Variants in CPNE9 observed in about 807,000 individuals in gnomAD.
CPNE9 encodes copine family member 9, also known as copine-9.
In CPNE9, 59 loss-of-function variants were observed where a neutral mutation model predicts 83.0. That is an observed-to-expected ratio of 0.71 (90% CI 0.58 to 0.88). CPNE9 has a LOEUF of 0.88. Ranked by LOEUF, CPNE9 falls within the 40% of genes least tolerant of loss-of-function variation. The probability of loss-of-function intolerance (pLI) is 0.00; values close to 1 mark genes in which losing one functional copy is unlikely to be tolerated. For missense variants in CPNE9, 619 were observed against 720.8 expected (o/e 0.86, Z 1.62); for synonymous variants, 256 against 273.4 (o/e 0.94, Z 0.63).
intron 19 of CPNE9, 30 bp from the exon 20 acceptor site, chr3:9,727,083 A>T: frequency 3.1e-6 from 5 of 1,613,186 alleles, no homozygotes; most frequent in Non-Finnish European, 4.2e-6. Context: ...TGGAGAGGCC[A>T]ATCAGCTGAG....
Position 9,704,972 on chromosome 3 carries a change from A to T in CPNE9, c.238A>T (p.Lys80Ter), listed in dbSNP as rs2076546434. The change falls in exon 4 of 21, where the codon AAG becomes TAG. Residue 80 changes from lysine (K) to a stop codon, truncating the protein, a stop_gained. Transcript: ENST00000383832. LOFTEE classifies it high-confidence loss of function. This position sits in a 1 kb window ranked among gnomAD's most constrained non-coding sequence, Gnocchi z 7.1. Reference sequence around the variant, plus strand: ...CGTCCTCGACTATTTCTTTGAGGAAAAGCAAAATCTGCGCTTCGATGTGTG... The same window carrying T: ...CGTCCTCGACTATTTCTTTGAGGAATAGCAAAATCTGCGCTTCGATGTGTG... ...KFVLDYFFEE[K>*]QNLRFDVYNV... 6.2e-7 allele frequency: 1 copy of T among 1,612,398 alleles called. No individual in the cohort carries two copies. Among genetic ancestry groups the T allele is most frequent in the Admixed American group, 1.7e-5 (1 of 59,858 alleles).
In CPNE9 at chr3:9,727,140, T is replaced by C; in HGVS notation, c.1430T>C (p.Val477Ala). 6.2e-7 allele frequency: 1 copy of C among 1,614,140 alleles called. No individual in the cohort carries two copies. Among genetic ancestry groups the C allele is most frequent in the Non-Finnish European group, 8.5e-7 (1 of 1,180,016 alleles). ...EAMEELDGDD[V>A]RVSSRGRYAE... The stretch of plus-strand genomic sequence containing the variant: ...ATGGAAGAGTTGGACGGTGATGATG[T>C]GCGCGTGTCCTCTAGGGGACGCTAC... The change falls in exon 20 of 21, where the codon GTG becomes GCG. Residue 477 changes from valine (V) to alanine (A), a missense_variant. Coordinates refer to ENST00000383832, the MANE Select transcript of CPNE9 (RefSeq NM_153635.3).
At chr3:9,713,182 C>T in intron 10 of CPNE9, 103 bp downstream of exon 10, 1 of 880,906 alleles carries the variant, frequency 1.1e-6, no homozygotes, top group South Asian at 1.5e-5. Context: ...GTTGGAGGGT[C>T]CTGCTCAGTG....
At position 9,729,590 on chromosome 3, in the gene CPNE9, G is replaced by C; in HGVS notation, c.1560G>C (p.Glu520Asp). Residue 520 changes from glutamate to aspartate, a missense_variant, in exon 21 of 21, where the codon GAG becomes GAC. Transcript: ENST00000383832. ...MARLAKDVLA[E>D]IPEQLLSYMR... Reference sequence around the variant, plus strand: ...GACTGGCCAAGGATGTGCTGGCCGAGATCCCGGAGCAGCTGCTGTCCTATA... The same window carrying C: ...GACTGGCCAAGGATGTGCTGGCCGACATCCCGGAGCAGCTGCTGTCCTATA... The C allele has an allele frequency of 1.2e-6, 2 of 1,614,180 alleles. No individual in the cohort carries two copies. The highest frequency in any genetic ancestry group is 1.7e-6 in the Non-Finnish European group (2 of 1,180,026).
rs770952005 is a variant in CPNE9 at position 9,718,189 on chromosome 3, G to A, written c.1092G>A (p.Arg364=). The part of the protein sequence containing the change: ...GFGAKLPPEG[R]ISHQFPLNNN... ...GGGCCAAGCTGCCCCCAGAGGGACG[G>A]ATCTCCCACCAGTTCCCCCTGGTAT... is the stretch of plus-strand genomic sequence containing the variant. The change falls in exon 16 of 21, where the codon CGG becomes CGA. Residue 364 remains arginine, a synonymous_variant. Coordinates refer to ENST00000383832, the MANE Select transcript of CPNE9 (RefSeq NM_153635.3). 2.3e-5 allele frequency: 37 copies of A among 1,612,666 alleles called. No individual in the cohort carries two copies. The highest frequency in any genetic ancestry group is 3.3e-5 in the South Asian group (3 of 90,920).
Position 9,705,510 on chromosome 3 carries a change from C to G in CPNE9, c.297+10C>G. On this transcript the variant is annotated intron_variant, in intron 5 of 20. Transcript: ENST00000383832. ...CAACATCTCCAAACCGGTGAGCAAA[C>G]GTTTCCTCGAGGGTTGGCGGAGCGC... The G allele has an allele frequency of 6.9e-7, 1 of 1,458,722 alleles. No individual in the cohort carries two copies. The highest frequency in any genetic ancestry group is 9.2e-7 in the Non-Finnish European group (1 of 1,083,592). 90.4% of individuals were successfully genotyped at this position (1,458,722 alleles called of 1,614,324 possible).
At chr3:9,718,312 A>G in intron 16 of CPNE9, 102 bp downstream of exon 16, 3 of 1,393,976 alleles carry the variant, frequency 2.2e-6, no homozygotes, top group African/African-American at 1.4e-5. Context: ...ATGTAGAGGA[A>G]CAGGAAGCTA....
intron 14 of CPNE9, 138 bp downstream of exon 14, chr3:9,716,173 A>C: frequency 1.4e-6 from 1 of 712,476 alleles, no homozygotes; most frequent in Non-Finnish European, 2.4e-6. Context: ...GGCCAACTAT[A>C]AAGTGCTCTG....
chr3:9,704,071 G>C lies in CPNE9; in HGVS notation c.68+7G>C, dbSNP rs374176401. 79 of 1,602,704 alleles carry C rather than the reference G, an allele frequency of 4.9e-5. No individual in the cohort carries two copies. The African/African-American group carries it at 8.7e-4, about 18-fold the overall frequency. ...AAATTACCGTGTCCTGCCGGTGAGC[G>C]GGCCGCGCTGGGGAGGGCTTAGGCA... On this transcript the variant is annotated splice_region_variant and intron_variant, in intron 1 of 20. Transcript: ENST00000383832. This position sits in a 1 kb window ranked among gnomAD's most constrained non-coding sequence, Gnocchi z 7.1.
intron 8 of CPNE9, 57 bp downstream of exon 8, chr3:9,712,661 T>TA: frequency 6.2e-7 from 1 of 1,607,086 alleles, no homozygotes; most frequent in Non-Finnish European, 8.5e-7. Context: ...GTAAACCCTT[T>TA]AATGGACTGT....
chr3:9,708,695 A>C (rs967929812), intron 7 of CPNE9, among the ~76,000 whole-genome samples: 4 of 131,684 alleles, frequency 3.0e-5, no homozygotes, highest in South Asian at 4.4e-4. Flanking sequence ...TGCAGTGGGG[A>C]GATCTCGGCT....
At chr3:9,722,137 G>C (rs191435797) in intron 17 of CPNE9, among the ~76,000 whole-genome samples, 1 of 150,334 alleles carries the variant, frequency 6.7e-6, no homozygotes, top group African/African-American at 2.5e-5. Flanking sequence ...GGCTGGTCTC[G>C]AACTCCTGAC....
chr3:9,714,942 G>A lies in CPNE9; in HGVS notation c.679G>A (p.Asp227Asn). The stretch of plus-strand genomic sequence containing the variant: ...GGTGAAGATTGATGTGTACGACTGG[G>A]ACCGGGATGGAAGGTAGAACTGCCC... Reference protein sequence around the residue: ...RTVKIDVYDWDRDGSHDFIGE... With the variant: ...RTVKIDVYDWNRDGSHDFIGE... The change falls in exon 11 of 21, where the codon GAC becomes AAC. Residue 227 changes from aspartate to asparagine, a missense_variant. By Grantham distance (23) the Asp-to-Asn change is conservative (BLOSUM62 1). Around this residue, in one of 3 missense-constraint regions of CPNE9, gnomAD observed 438 missense variants for 562.9 expected, o/e 0.78. Coordinates refer to ENST00000383832, the MANE Select transcript of CPNE9 (RefSeq NM_153635.3). 10 of 1,613,904 alleles carry A rather than the reference G, an allele frequency of 6.2e-6. No individual in the cohort carries two copies. Among genetic ancestry groups the A allele is most frequent in the Non-Finnish European group, 8.5e-6 (10 of 1,179,838 alleles).
In CPNE9 at chr3:9,704,990, G is replaced by A. The variant is rs1473606936; in HGVS notation, c.256G>A (p.Asp86Asn). Reference protein sequence around the residue: ...FFEEKQNLRFDVYNVDSKTNI... With the variant: ...FFEEKQNLRFNVYNVDSKTNI... ...TGAGGAAAAGCAAAATCTGCGCTTC[G>A]ATGTGTGAGGCCCCGCCTGGAATTC... Residue 86 changes from aspartate to asparagine, a missense_variant, in exon 4 of 21, where the codon GAT (aspartate) becomes AAT (asparagine). Around this residue, in one of 3 missense-constraint regions of CPNE9, gnomAD observed 130 missense variants for 117.5 expected, o/e 1.11. Transcript: ENST00000383832. The surrounding 1 kb of genome is among the most constrained non-coding windows in gnomAD (Gnocchi z 7.1). 5.0e-6 allele frequency: 8 copies of A among 1,606,522 alleles called. No homozygotes were observed. The highest frequency in any genetic ancestry group is 1.1e-5 in the South Asian group (1 of 90,098).
rs1269188751 is a variant in CPNE9 at position 9,727,174 on chromosome 3, G to C, written c.1464G>C (p.Arg488=). 1 of 1,614,104 alleles carries C rather than the reference G, an allele frequency of 6.2e-7. No homozygotes were observed. Among genetic ancestry groups the C allele is most frequent in the African/African-American group, 1.3e-5 (1 of 74,928 alleles). The part of the protein sequence containing the change: ...RVSSRGRYAE[R]DIVQFVPFRD... Reference sequence around the variant, plus strand: ...CCTCTAGGGGACGCTACGCAGAGCGGGACATCGTTCAGGTAGACCTGACGT... The same window carrying C: ...CCTCTAGGGGACGCTACGCAGAGCGCGACATCGTTCAGGTAGACCTGACGT... Residue 488 remains arginine, a synonymous_variant, in exon 20 of 21, where the codon CGG becomes CGC. Transcript: ENST00000383832.
Position 9,704,940 on chromosome 3 carries a change from G to A in CPNE9, c.206G>A (p.Arg69His). Reference protein sequence around the residue: ...IDNTLNPDFVRKFVLDYFFEE... With the variant: ...IDNTLNPDFVHKFVLDYFFEE... ...AACACGCTGAACCCAGACTTCGTGCGCAAATTCGTCCTCGACTATTTCTTT... is the reference window on the plus strand; with the variant it reads ...AACACGCTGAACCCAGACTTCGTGCACAAATTCGTCCTCGACTATTTCTTT... The change falls in exon 4 of 21, where the codon CGC becomes CAC. Residue 69 changes from arginine to histidine, a missense_variant. Coordinates refer to ENST00000383832, the MANE Select transcript of CPNE9 (RefSeq NM_153635.3). This position sits in a 1 kb window ranked among gnomAD's most constrained non-coding sequence, Gnocchi z 7.1. 2 of 1,613,246 alleles carry A rather than the reference G, an allele frequency of 1.2e-6. No homozygotes were observed. The highest frequency in any genetic ancestry group is 8.5e-7 in the Non-Finnish European group (1 of 1,179,834).
chr3:9,725,047 G>A (rs939466660), intron 17 of CPNE9, among the ~76,000 whole-genome samples: 1 of 152,032 alleles, frequency 6.6e-6, no homozygotes, highest in Non-Finnish European at 1.5e-5. Flanking sequence ...ATGAACCACT[G>A]CACCTGGCCA....
In CPNE9 at chr3:9,717,114, G is replaced by A. The variant is rs539124529; in HGVS notation, c.931+10G>A. On this transcript the variant is annotated intron_variant, in intron 15 of 20. Transcript: ENST00000383832. ...TTCACGGCTTCCAATGGTGAGACACGGATGAGTGAAAAAGTCGGAGGTGGG... is the reference window on the plus strand; with the variant it reads ...TTCACGGCTTCCAATGGTGAGACACAGATGAGTGAAAAAGTCGGAGGTGGG... 10 of 1,614,098 alleles carry A rather than the reference G, an allele frequency of 6.2e-6. No individual in the cohort carries two copies. Among genetic ancestry groups the A allele is most frequent in the South Asian group, 1.1e-5 (1 of 91,074 alleles).
intron 17 of CPNE9, among the ~76,000 whole-genome samples, chr3:9,725,462 G>A (rs1394774615): frequency 6.6e-6 from 1 of 151,192 alleles, no homozygotes; most frequent in Non-Finnish European, 1.5e-5. Flanking sequence ...CTGAGCCCGG[G>A]AGGTGGAGGT....
Sources: allele counts gnomAD v4.1 joint callset (sites outside exome capture counted in the v4.1 genomes callset), GRCh38; gene constraint gnomAD v4.1.1; regional missense constraint gnomAD v4.1.1; non-coding constraint Gnocchi (gnomAD v3.1); transcripts MANE v1.5; gene names NCBI Gene and HGNC (gene_info 2026-07-23, HGNC 2026-07-21).